The following PDE4D variants were observed in gnomAD, a reference collection of about 807,000 sequenced individuals.
PDE4D encodes the protein 3',5'-cyclic-AMP phosphodiesterase 4D.
Under a neutral mutation model 87.4 loss-of-function variants are expected in PDE4D, and 24 were observed. That is an observed-to-expected ratio of 0.27 (90% CI 0.20 to 0.39). The LOEUF is 0.39. PDE4D is among the 10% of genes least tolerant of loss of function. The pLI, the probability that PDE4D is intolerant of heterozygous loss-of-function variation, is 1.00. For synonymous variants in PDE4D, 384 were observed against 383.2 expected (o/e 1.00, Z -0.02); for missense variants, 714 against 1,041.0 (o/e 0.69, Z 4.32).
intron 2 of PDE4D, among the ~76,000 whole-genome samples, chr5:60,039,965 A>G (rs1350089088): frequency 6.6e-6 from 1 of 152,190 alleles, no homozygotes; most frequent in Admixed American, 6.5e-5. Flanking sequence ...TAATATTGCA[A>G]GTATTTTATT....
chr5:59,269,296 C>T (rs903660420), intron 1 of PDE4D, among the ~76,000 whole-genome samples: 1 of 152,136 alleles, frequency 6.6e-6, no homozygotes, highest in Non-Finnish European at 1.5e-5. Context: ...ATCAGCTATG[C>T]ATCATACAGT....
chr5:59,551,968 C>A (rs1348166198), intron 1 of PDE4D, among the ~76,000 whole-genome samples: 1 of 152,158 alleles, frequency 6.6e-6, no homozygotes, highest in Non-Finnish European at 1.5e-5. Context: ...ATAATCCCAG[C>A]ACCTTGAGAG....
intron 2 of PDE4D, among the ~76,000 whole-genome samples, chr5:60,139,933 C>A (rs1040030761): frequency 1.3e-5 from 2 of 152,036 alleles, no homozygotes; most frequent in Non-Finnish European, 2.9e-5. Context: ...TGCTAAGTAT[C>A]TATTAGTAGT....
Position 60,352,374 on chromosome 5 carries a change from A to G in PDE4D, c.-90+135568T>C, listed in dbSNP as rs1001445434. ...ATGATGCTCCTGACCCATCATTACTAAAGAATTTTGAGAAAGTATTTTCTG... is the reference window on the plus strand; with the variant it reads ...ATGATGCTCCTGACCCATCATTACTGAAGAATTTTGAGAAAGTATTTTCTG... On this transcript the variant is annotated intron_variant, in intron 1 of 16. Transcript: ENST00000502484. Among the ~76,000 whole-genome samples, 34 of 152,278 alleles carry G rather than the reference A, an allele frequency of 2.2e-4. 1 individual carries two copies. Among genetic ancestry groups the G allele is most frequent in the South Asian group, 8.3e-4 (4 of 4,828 alleles).
intron 1 of PDE4D, among the ~76,000 whole-genome samples, chr5:60,422,825 G>T (rs1219628608): frequency 6.6e-6 from 1 of 152,130 alleles, no homozygotes; most frequent in African/African-American, 2.4e-5. Context: ...AAACATATAG[G>T]TTCAAAATAA....
intron 1 of PDE4D, among the ~76,000 whole-genome samples, chr5:59,569,171 C>A (rs923164854): frequency 6.6e-6 from 1 of 152,182 alleles, no homozygotes; most frequent in Non-Finnish European, 1.5e-5. Context: ...AATACAAACT[C>A]TTCTTCACAT....
At chr5:59,119,369 C>T (rs367820827) in intron 5 of PDE4D, among the ~76,000 whole-genome samples, 42 of 152,108 alleles carry the variant, frequency 2.8e-4, no homozygotes, top group African/African-American at 9.2e-4. Flanking sequence ...TAGGGGCTAC[C>T]AGCATATGGC....
At chr5:59,680,224 T>A (rs72751211) in intron 1 of PDE4D, among the ~76,000 whole-genome samples, 28,077 of 152,074 alleles carry the variant, frequency 0.18, 3,171 homozygotes, top group South Asian at 0.26. Flanking sequence ...ACATATGCAT[T>A]TGGAATTTAC....
At chr5:59,981,494 C>G (rs1761930520) in intron 3 of PDE4D, among the ~76,000 whole-genome samples, 3 of 152,096 alleles carry the variant, frequency 2.0e-5, no homozygotes, top group Non-Finnish European at 4.4e-5. Context: ...TATTGTTTCC[C>G]AATTTTTGGC....
chr5:59,755,354 C>T (rs1761069381), intron 1 of PDE4D, among the ~76,000 whole-genome samples: 2 of 152,042 alleles, frequency 1.3e-5, no homozygotes, highest in Non-Finnish European at 2.9e-5. Flanking sequence ...ACGCTAGTTC[C>T]AAATTACAGT....
chr5:60,256,070 C>T (rs574608718), intron 1 of PDE4D, among the ~76,000 whole-genome samples: 1 of 151,974 alleles, frequency 6.6e-6, no homozygotes, highest in South Asian at 2.1e-4. Context: ...AAATAAAAAT[C>T]AGATGCATAC....
chr5:60,005,325 G>A (rs1357724549), intron 2 of PDE4D, among the ~76,000 whole-genome samples: 1 of 152,182 alleles, frequency 6.6e-6, no homozygotes, highest in East Asian at 1.9e-4. Flanking sequence ...GGTAATGTTG[G>A]ACACAGCATA....
intron 1 of PDE4D, among the ~76,000 whole-genome samples, chr5:60,400,208 C>G (rs1740934461): frequency 6.6e-6 from 1 of 152,184 alleles, no homozygotes; most frequent in African/African-American, 2.4e-5. Context: ...GTGGATGGGA[C>G]TGGGGTTCGA....
At chr5:60,184,960 T>C (rs540617829) in intron 2 of PDE4D, among the ~76,000 whole-genome samples, 1 of 152,296 alleles carries the variant, frequency 6.6e-6, no homozygotes, top group East Asian at 1.9e-4. Flanking sequence ...ATTTGCTTTT[T>C]TCCATACACT....
chr5:59,881,662 T>A (rs747406115), intron 1 of PDE4D, among the ~76,000 whole-genome samples: 18 of 152,212 alleles, frequency 1.2e-4, no homozygotes, highest in Non-Finnish European at 2.1e-4. Context: ...TTATTAATAA[T>A]TCTTTCAGTT....
chr5:59,569,898 T>C (rs927148499), intron 1 of PDE4D, among the ~76,000 whole-genome samples: 3 of 152,202 alleles, frequency 2.0e-5, no homozygotes, highest in African/African-American at 7.2e-5. Flanking sequence ...AGTGCATTCA[T>C]TACCTCTTTA....
chr5:59,189,186 T>C (rs1167942851), intron 3 of PDE4D, among the ~76,000 whole-genome samples: 1 of 151,844 alleles, frequency 6.6e-6, no homozygotes, highest in Admixed American at 6.6e-5. Flanking sequence ...CCAGGTGCTG[T>C]ATTTTGGTTA....
chr5:59,865,724 A>G (rs750410799), intron 1 of PDE4D, among the ~76,000 whole-genome samples: 6 of 152,222 alleles, frequency 3.9e-5, no homozygotes, highest in Non-Finnish European at 7.3e-5. Flanking sequence ...CTATAGTAAT[A>G]ATGATGACAA....
chr5:58,994,446 A>G (rs1748682565), intron 6 of PDE4D, among the ~76,000 whole-genome samples: 1 of 151,022 alleles, frequency 6.6e-6, no homozygotes, highest in African/African-American at 2.4e-5. Context: ...TTGCCTTAAT[A>G]TACAGAAACA....
Sources: allele counts gnomAD v4.1 joint callset (sites outside exome capture counted in the v4.1 genomes callset), GRCh38; gene constraint gnomAD v4.1.1; transcripts MANE v1.5; gene names NCBI Gene and HGNC (gene_info 2026-07-23, HGNC 2026-07-21).